The following RGS3 variants were observed in gnomAD, a reference collection of about 807,000 sequenced individuals.
RGS3 encodes the protein regulator of G protein signaling 3.
In RGS3, 80 loss-of-function variants were observed where a neutral mutation model predicts 132.6. The observed-to-expected ratio is 0.60, with a 90% CI of 0.50 to 0.73. The LOEUF (loss-of-function observed/expected upper bound fraction) is 0.73. Among genes scored for constraint, RGS3 ranks in the 30% least tolerant of loss-of-function variants. The probability of loss-of-function intolerance (pLI) is 0.00; values close to 1 mark genes in which losing one functional copy is unlikely to be tolerated. For missense variants in RGS3, 1,382 were observed against 1,530.8 expected (o/e 0.90, Z 1.62); for synonymous variants, 598 against 620.6 (o/e 0.96, Z 0.54).
intron 19 of RGS3, among the ~76,000 whole-genome samples, chr9:113,543,360 C>T (rs1002204969): frequency 2.0e-5 from 3 of 152,242 alleles, no homozygotes; most frequent in African/African-American, 7.2e-5. Context: ...ATCCTCCTCT[C>T]AACCTAGGAA....
chr9:113,591,353 TG>T lies in RGS3; in HGVS notation c.3040del (p.Asp1014MetfsTer14). ...CGCAGATGAGCGGGGCTGACACCGT[TG>T]GGGATGATGACGAAGCCTCCCGGAA... is the stretch of plus-strand genomic sequence containing the variant. On this transcript the variant is annotated frameshift_variant, in exon 21 of 25. Coordinates refer to ENST00000350696, the Ensembl canonical transcript of RGS3. LOFTEE classifies it high-confidence loss of function. The surrounding 1 kb of genome is among the most constrained non-coding windows in gnomAD (Gnocchi z 4.4). The T allele has an allele frequency of 6.2e-7, 1 of 1,613,658 alleles. No individual in the cohort carries two copies. Among genetic ancestry groups the T allele is most frequent in the South Asian group, 1.1e-5 (1 of 91,088 alleles).
intron 3 of RGS3, among the ~76,000 whole-genome samples, chr9:113,466,741 CAG>C (rs1829657363): frequency 6.6e-6 from 1 of 152,072 alleles, no homozygotes; most frequent in Admixed American, 6.5e-5. Context: ...AAATATAATT[CAG>C]ATATATACAA....
In RGS3 at chr9:113,583,612, C is replaced by T; in HGVS notation, c.2200C>T (p.Pro734Ser). 3 of 1,614,174 alleles carry T rather than the reference C, an allele frequency of 1.9e-6. No homozygotes were observed. In the South Asian group the frequency reaches 3.3e-5, roughly 18 times the overall value. Residue 734 changes from proline to serine, a missense_variant, in exon 20 of 25, where the codon CCC becomes TCC. Transcript: ENST00000350696. ...CAAGGACTCCCCTTCTGGGCAGGAA[C>T]CCGCTCCCAGCCAAGAACCACTGTC...
chr9:113,462,232 G>A, intron 3 of RGS3: 11 of 1,522,284 alleles, frequency 7.2e-6, no homozygotes, highest in Non-Finnish European at 9.8e-6. Flanking sequence ...CTTGAGGCTA[G>A]GAGAGTGGAC....
At chr9:113,477,048 C>T (rs1830014484) in intron 3 of RGS3, among the ~76,000 whole-genome samples, 1 of 152,178 alleles carries the variant, frequency 6.6e-6, no homozygotes, top group African/African-American at 2.4e-5. Flanking sequence ...CTCTCTCCCA[C>T]CCCACACTAG....
Position 113,507,430 on chromosome 9 carries a change from G to A in RGS3, c.1229G>A (p.Cys410Tyr). ...CCCCCCAACAAACGGGAGAAGAACTGCACCCATGGGGTCCAGGCACGGCCT... is the reference window on the plus strand; with the variant it reads ...CCCCCCAACAAACGGGAGAAGAACTACACCCATGGGGTCCAGGCACGGCCT... Residue 410 changes from cysteine (C) to tyrosine (Y), a missense_variant, in exon 13 of 25, where the codon TGC becomes TAC. By Grantham distance (194) the Cys-to-Tyr change is radical. Transcript: ENST00000350696. The surrounding 1 kb of genome is among the most constrained non-coding windows in gnomAD (Gnocchi z 5.0). 1 of 1,613,952 alleles carries A rather than the reference G, an allele frequency of 6.2e-7. No individual in the cohort carries two copies. The highest frequency in any genetic ancestry group is 8.5e-7 in the Non-Finnish European group (1 of 1,180,042).
At chr9:113,497,387 G>T (rs144051719) in exon 9 of RGS3, 1 of 1,613,380 alleles carries the variant, frequency 6.2e-7, no homozygotes, top group South Asian at 1.1e-5. Context: ...GCCAGGCGGC[G>T]ACTGCGGCCG....
intron 19 of RGS3, among the ~76,000 whole-genome samples, chr9:113,575,652 T>C (rs1834484184): frequency 1.3e-5 from 2 of 152,190 alleles, no homozygotes; most frequent in South Asian, 4.1e-4. Flanking sequence ...CTTGGCCTTA[T>C]CACTTCCCTT....
chr9:113,480,672 G>T (rs1349665299), intron 4 of RGS3, among the ~76,000 whole-genome samples: 1 of 152,176 alleles, frequency 6.6e-6, no homozygotes, highest in Non-Finnish European at 1.5e-5. Context: ...AGCAGGGAGG[G>T]TGTGGCTAGC....
intron 1 of RGS3, among the ~76,000 whole-genome samples, chr9:113,448,821 CAAAG>C (rs1829175642): frequency 6.6e-6 from 1 of 152,120 alleles, no homozygotes; most frequent in Non-Finnish European, 1.5e-5. Context: ...GTAAGTGGTA[CAAAG>C]AAAGAACTAC....
At position 113,542,404 on chromosome 9, in the gene RGS3, A is replaced by C. The variant is rs138522961; in HGVS notation, c.2037+5486A>C. Among the ~76,000 whole-genome samples, 8 of 152,246 alleles carry C rather than the reference A, an allele frequency of 5.3e-5. No homozygotes were observed. The South Asian group carries it at 1.5e-3, about 28-fold the overall frequency. On this transcript the variant is annotated intron_variant, in intron 19 of 24. Transcript: ENST00000350696. ...TTTTGAGGAAGGGAGTTGCAAGTACATTTTTACAAGATCCGTTTACACATA... is the reference window on the plus strand; with the variant it reads ...TTTTGAGGAAGGGAGTTGCAAGTACCTTTTTACAAGATCCGTTTACACATA...
chr9:113,526,956 C>T (rs546670745), intron 17 of RGS3, among the ~76,000 whole-genome samples: 2 of 152,334 alleles, frequency 1.3e-5, no homozygotes, highest in East Asian at 3.9e-4. Context: ...CTGTTTTCTA[C>T]AGCTGCAGCT....
At chr9:113,564,451 G>T (rs1378957720) in intron 19 of RGS3, among the ~76,000 whole-genome samples, 2 of 152,198 alleles carry the variant, frequency 1.3e-5, no homozygotes, top group East Asian at 3.9e-4. Flanking sequence ...GCAGGTTAAG[G>T]TTAGCAGCCT....
At chr9:113,498,309 C>T (rs537119255) in intron 10 of RGS3, among the ~76,000 whole-genome samples, 1 of 152,260 alleles carries the variant, frequency 6.6e-6, no homozygotes, top group African/African-American at 2.4e-5. Context: ...AGGCCCCCAC[C>T]TCTGGAAATG....
chr9:113,469,612 T>C (rs1829764636), intron 3 of RGS3, among the ~76,000 whole-genome samples: 1 of 152,172 alleles, frequency 6.6e-6, no homozygotes, highest in Admixed American at 6.5e-5. Flanking sequence ...AAAAAACCTT[T>C]GTAACTTTCA....
At chr9:113,594,591 G>C (rs1835657199) in intron 22 of RGS3, 60 bp downstream of exon 20, 1 of 1,381,182 alleles carries the variant, frequency 7.2e-7, no homozygotes, top group African/African-American at 1.4e-5. Context: ...CCGGGGAGTA[G>C]GACTGAGTGG....
rs1831751553 is a variant in RGS3 at position 113,517,757 on chromosome 9, G to A, written c.1758+133G>A. 7.9e-6 allele frequency: 5 copies of A among 636,014 alleles called. No individual in the cohort carries two copies. In the South Asian group the frequency reaches 1.0e-4, roughly 13 times the overall value. The allele number at this position is 636,014 out of a possible 1,614,324, so 39.4% of individuals were successfully genotyped here. A position where few individuals can be genotyped will look rare whatever the true frequency, so the allele number is the denominator to read the frequency against. ...CTCAGGGTAGGGGAGACCTGAGAAG[G>A]ACCCCGCCACTCTCCCTAGCAAAGG... On this transcript the variant is annotated intron_variant, in intron 16 of 24. Transcript: ENST00000350696.
chr9:113,541,234 T>C, intron 19 of RGS3: 1 of 1,443,034 alleles, frequency 6.9e-7, no homozygotes, highest in Non-Finnish European at 9.5e-7. Context: ...GTGAGTGCCT[T>C]AGAAAGGAAC....
intron 3 of RGS3, among the ~76,000 whole-genome samples, chr9:113,475,627 G>A (rs1305651772): frequency 6.6e-6 from 1 of 152,040 alleles, no homozygotes; most frequent in Non-Finnish European, 1.5e-5. Context: ...CCAGGTTGGT[G>A]TCAAACTCCT....
Sources: gnomAD v4.1 joint callset for allele counts (sites outside exome capture counted in the v4.1 genomes callset) on GRCh38, gnomAD v4.1.1 for gene constraint, Gnocchi (gnomAD v3.1) non-coding constraint, MANE v1.5 for transcripts, NCBI Gene and HGNC (gene_info 2026-07-23, HGNC 2026-07-21) for gene names.